The following TRMT9B variants were observed in gnomAD, a reference collection of about 807,000 sequenced individuals.
TRMT9B encodes the protein tRNA methyltransferase 9B (putative), also known as probable tRNA methyltransferase 9B.
A neutral mutation model predicts 11.5 loss-of-function variants in TRMT9B; 16 were observed. That is an observed-to-expected ratio of 1.39 (90% CI 0.94 to 2.11). The LOEUF is 2.11. Ranked by LOEUF, TRMT9B falls within the 30% of genes most tolerant of loss-of-function variation. TRMT9B has a pLI of 0.00. For missense variants in TRMT9B, 941 were observed against 553.8 expected, an observed-to-expected ratio of 1.70 and a Z score of -7.02; for synonymous variants, 274 against 192.4, an observed-to-expected ratio of 1.42 and a Z score of -3.51.
rs143696987 is a variant in TRMT9B, at chr8:13,006,370, C to G, written c.154+14C>G. 6.3e-7 allele frequency: 1 copy of G among 1,597,574 alleles called. No individual in the cohort carries two copies. The highest frequency in any genetic ancestry group is 1.7e-5 in the Admixed American group (1 of 58,182). ...TCGCTGACATAGGTAACCAGGCAGC[C>G]TCATCGCTGACATAGGTAACCAGGC... On this transcript the variant is annotated intron_variant, in intron 3 of 4. Coordinates refer to ENST00000524591, the MANE Select transcript of TRMT9B (RefSeq NM_020844.3).
At chr8:12,947,150 A>C (rs749002504) in intron 1 of TRMT9B, among the ~76,000 whole-genome samples, 7 of 152,146 alleles carry the variant, frequency 4.6e-5, no homozygotes, top group Non-Finnish European at 8.8e-5. Flanking sequence ...CACTGTGGGG[A>C]ATCCTTTAAA....
At chr8:13,011,009 T>C (rs1160320448) in intron 3 of TRMT9B, 10 of 806,794 alleles carry the variant, frequency 1.2e-5, no homozygotes, top group African/African-American at 1.9e-5. Flanking sequence ...TGAGACAAAA[T>C]CTAACTCTGT....
rs1406940986 is a variant in TRMT9B at position 13,012,823 on chromosome 8, G to C, written c.294G>C (p.Arg98Ser). Reference protein sequence around the residue: ...MVCDNLNLPFRDEGFDAIISI... With the variant: ...MVCDNLNLPFSDEGFDAIISI... ...GTGACAACCTTAATCTCCCCTTTAGGGATGAGGGCTTCGATGCCATCATCT... is the reference window on the plus strand; with the variant it reads ...GTGACAACCTTAATCTCCCCTTTAGCGATGAGGGCTTCGATGCCATCATCT... The change falls in exon 4 of 5, where the codon AGG becomes AGC. Residue 98 changes from arginine to serine, a missense_variant. Transcript: ENST00000524591. 15 of 1,613,722 alleles carry C rather than the reference G, an allele frequency of 9.3e-6. No individual in the cohort carries two copies. The highest frequency in any genetic ancestry group is 1.1e-5 in the Non-Finnish European group (13 of 1,179,854).
In TRMT9B at chr8:13,028,118, T is replaced by C. The variant is rs548570649; in HGVS notation, c.*6074T>C. ...TTAATTCCCCAGGGATCCTACGGTC[T>C]ATGACACATTAACAGGGGTGTGAAT... On this transcript the variant is annotated 3_prime_UTR_variant, in exon 5 of 5. Transcript: ENST00000524591. 2.4e-5 allele frequency: 4 copies of C among 167,238 alleles called. No individual in the cohort carries two copies. Among genetic ancestry groups the C allele is most frequent in the Non-Finnish European group, 4.4e-5 (3 of 68,124 alleles). The allele number at this position is 167,238 out of a possible 1,614,324, so 10.4% of individuals were successfully genotyped here.
intron 1 of TRMT9B, among the ~76,000 whole-genome samples, chr8:12,985,218 C>T (rs1806088611): frequency 6.6e-6 from 1 of 152,152 alleles, no homozygotes; most frequent in South Asian, 2.1e-4. Flanking sequence ...ACTTTCTAGT[C>T]CCTGATGGGA....
intron 1 of TRMT9B, among the ~76,000 whole-genome samples, chr8:12,989,903 T>C (rs945426634): frequency 6.6e-6 from 1 of 152,202 alleles, no homozygotes; most frequent in Non-Finnish European, 1.5e-5. Flanking sequence ...ATGAGTGAGA[T>C]GTAGCTGGGG....
intron 1 of TRMT9B, among the ~76,000 whole-genome samples, chr8:12,983,198 C>A (rs1363641884): frequency 6.6e-6 from 1 of 152,140 alleles, no homozygotes; most frequent in Non-Finnish European, 1.5e-5. Context: ...GTCAACACTG[C>A]AGAAAAAGTG....
chr8:12,962,696 G>A (rs1043391185), intron 1 of TRMT9B, among the ~76,000 whole-genome samples: 1 of 152,056 alleles, frequency 6.6e-6, no homozygotes, highest in African/African-American at 2.4e-5. Flanking sequence ...TCGCTATGTT[G>A]TCCAGGCTGG....
Position 13,021,326 on chromosome 8 carries a change from G to T in TRMT9B, c.647G>T (p.Gly216Val). 6.2e-7 allele frequency: 1 copy of T among 1,614,014 alleles called. No homozygotes were observed. Reference sequence around the variant, plus strand: ...GGTTCAAAACGGTCCCACAGCGTGGGCTATGAACCTGCTATGGCAAGAACC... The same window carrying T: ...GGTTCAAAACGGTCCCACAGCGTGGTCTATGAACCTGCTATGGCAAGAACC... ...QCGSKRSHSV[G>V]YEPAMARTCF... Residue 216 changes from glycine (G) to valine (V), a missense_variant, in exon 5 of 5, where the codon GGC (glycine) becomes GTC (valine). By Grantham distance (109) the Gly-to-Val change is moderately radical. Coordinates refer to ENST00000524591, the MANE Select transcript of TRMT9B (RefSeq NM_020844.3).
At chr8:12,998,308 G>A (rs1808739226) in intron 2 of TRMT9B, among the ~76,000 whole-genome samples, 1 of 152,142 alleles carries the variant, frequency 6.6e-6, no homozygotes. Flanking sequence ...AAGGTCATGA[G>A]GATGTTCTGT....
intron 1 of TRMT9B, among the ~76,000 whole-genome samples, chr8:12,959,464 A>G (rs1238708647): frequency 1.4e-5 from 2 of 147,910 alleles, no homozygotes; most frequent in Non-Finnish European, 3.0e-5. Flanking sequence ...TTCTGGTCCC[A>G]AGCATTTGTA....
chr8:12,962,661 T>C (rs541699352), intron 1 of TRMT9B, among the ~76,000 whole-genome samples: 55 of 152,230 alleles, frequency 3.6e-4, no homozygotes, highest in African/African-American at 1.3e-3. Context: ...CAGCTAATTT[T>C]TATATTTTTT....
rs1801447026 is a variant in TRMT9B at position 12,957,315 on chromosome 8, TAG to T, written c.-200+11354_-200+11355del. Among the ~76,000 whole-genome samples, 3 of 152,200 alleles carry T rather than the reference TAG, an allele frequency of 2.0e-5. No homozygotes were observed. The South Asian group carries it at 6.2e-4, about 32-fold the overall frequency. On this transcript the variant is annotated intron_variant, in intron 1 of 4. Coordinates refer to ENST00000524591, the MANE Select transcript of TRMT9B (RefSeq NM_020844.3). Reference sequence around the variant, plus strand: ...TGAAGTAGGTGAGCTTGATAAATGTTAGAGAGTTTTAGTGTTTAGAGAAATAA... The same window carrying T: ...TGAAGTAGGTGAGCTTGATAAATGTTAGAGTTTTAGTGTTTAGAGAAATAA...
intron 1 of TRMT9B, among the ~76,000 whole-genome samples, chr8:12,964,993 G>T (rs1802624825): frequency 6.6e-6 from 1 of 151,876 alleles, no homozygotes; most frequent in Non-Finnish European, 1.5e-5. Context: ...TTCCAAAATA[G>T]TCTGGTTTAT....
intron 2 of TRMT9B, among the ~76,000 whole-genome samples, chr8:12,998,266 A>G (rs1390175288): frequency 6.6e-6 from 1 of 152,198 alleles, no homozygotes; most frequent in Non-Finnish European, 1.5e-5. Context: ...AGCACTTTAT[A>G]TGACCCTTTG....
Position 12,990,971 on chromosome 8 carries a change from G to A in TRMT9B, c.-62G>A. The A allele has an allele frequency of 7.8e-7, 1 of 1,287,410 alleles. No homozygotes were observed. The highest frequency in any genetic ancestry group is 1.0e-6 in the Non-Finnish European group (1 of 987,534). The allele number at this position is 1,287,410 out of a possible 1,614,324, so 79.7% of individuals were successfully genotyped here. ...GAAGCAACTGTCACTCTCTGGAGGTGGAGACTGCCGTGATTCACAAAGACA... is the reference window on the plus strand; with the variant it reads ...GAAGCAACTGTCACTCTCTGGAGGTAGAGACTGCCGTGATTCACAAAGACA... On this transcript the variant is annotated 5_prime_UTR_variant, in exon 2 of 5. Coordinates refer to ENST00000524591, the MANE Select transcript of TRMT9B (RefSeq NM_020844.3).
At position 12,999,342 on chromosome 8, in the gene TRMT9B, T is replaced by C. The variant is rs75212827; in HGVS notation, c.-1-6860T>C. Among the ~76,000 whole-genome samples the C allele has an allele frequency of 2.5e-3, 370 of 150,272 alleles. 2 individuals carry two copies. The highest frequency in any genetic ancestry group is 8.7e-3 in the African/African-American group (355 of 41,002). ...AAAAGAAAAAAAAAAAGAAAGATTG[T>C]TCAGGGTGGGAGAAGATGGGAGGGG... On this transcript the variant is annotated intron_variant, in intron 2 of 4. Transcript: ENST00000524591.
chr8:13,004,455 C>G (rs778255890), intron 2 of TRMT9B, among the ~76,000 whole-genome samples: 1 of 151,762 alleles, frequency 6.6e-6, no homozygotes, highest in African/African-American at 2.4e-5. Context: ...AGGATTTTGT[C>G]TTGTATTTTG....
chr8:13,012,011 A>C (rs1166931683), intron 3 of TRMT9B: 1 of 985,264 alleles, frequency 1.0e-6, no homozygotes, highest in African/African-American at 1.7e-5. Flanking sequence ...CGTATATACA[A>C]AATGAAATAT....
Sources: allele counts gnomAD v4.1 joint callset (sites outside exome capture counted in the v4.1 genomes callset), GRCh38; gene constraint gnomAD v4.1.1; transcripts MANE v1.5; gene names NCBI Gene and HGNC (gene_info 2026-07-23, HGNC 2026-07-21).